The following FAT4 variants were observed in gnomAD, a reference collection of about 807,000 sequenced individuals.
FAT4 encodes the protein protocadherin Fat 4.
A neutral mutation model predicts 303.9 loss-of-function variants in FAT4; 84 were observed. That is an observed-to-expected ratio of 0.28 (90% CI 0.23 to 0.33). The LOEUF is 0.33. Ranked by LOEUF, FAT4 falls within the 10% of genes least tolerant of loss-of-function variation. FAT4 has a pLI of 1.00. For missense variants in FAT4, 6,005 were observed against 6,146.8 expected (o/e 0.98, Z 0.77); for synonymous variants, 2,307 against 2,298.8 (o/e 1.00, Z -0.10).
chr4:125,482,034 T>C (rs1385380844), intron 16 of FAT4, among the ~76,000 whole-genome samples: 2 of 152,348 alleles, frequency 1.3e-5, no homozygotes, highest in African/African-American at 4.8e-5. Context: ...TAAGAATTTA[T>C]ATCACTTCTT....
intron 2 of FAT4, among the ~76,000 whole-genome samples, chr4:125,332,407 T>C (rs1731418976): frequency 6.6e-6 from 1 of 152,186 alleles, no homozygotes; most frequent in African/African-American, 2.4e-5. Flanking sequence ...TTAGTAATAG[T>C]TATAACCCCT....
chr4:125,367,248 G>A (rs1382612385), intron 2 of FAT4, among the ~76,000 whole-genome samples: 2 of 152,062 alleles, frequency 1.3e-5, no homozygotes. Context: ...TTTACTGGAA[G>A]CAATTATTGG....
intron 2 of FAT4, among the ~76,000 whole-genome samples, chr4:125,337,695 G>A (rs1261718898): frequency 6.6e-6 from 1 of 152,046 alleles, no homozygotes; most frequent in Non-Finnish European, 1.5e-5. Flanking sequence ...GTTGCTTTAA[G>A]GATTACTGTT....
At chr4:125,488,865 G>A (rs1227618222) in intron 17 of FAT4, among the ~76,000 whole-genome samples, 1 of 152,112 alleles carries the variant, frequency 6.6e-6, no homozygotes, top group Non-Finnish European at 1.5e-5. Context: ...AGAAAGCCTG[G>A]GACGTCATCT....
At chr4:125,457,758 A>G (rs1482599081) in intron 10 of FAT4, among the ~76,000 whole-genome samples, 1 of 152,086 alleles carries the variant, frequency 6.6e-6, no homozygotes, top group Non-Finnish European at 1.5e-5. Context: ...TAATGACACC[A>G]AAAATTAACA....
At chr4:125,353,664 G>A (rs1292412509) in intron 2 of FAT4, among the ~76,000 whole-genome samples, 1 of 151,572 alleles carries the variant, frequency 6.6e-6, no homozygotes, top group Non-Finnish European at 1.5e-5. Flanking sequence ...TTTATCTTAA[G>A]TAGAAACTAT....
intron 2 of FAT4, among the ~76,000 whole-genome samples, chr4:125,371,779 T>C (rs1733123253): frequency 6.6e-6 from 1 of 151,826 alleles, no homozygotes; most frequent in Non-Finnish European, 1.5e-5. Context: ...TTTTTGTGAA[T>C]AAAACTGAAC....
rs150939528 is a variant in FAT4, at chr4:125,349,675, A to G, written c.5175+28089A>G. On this transcript the variant is annotated intron_variant, in intron 2 of 17. Coordinates refer to ENST00000394329, the MANE Select transcript of FAT4 (RefSeq NM_001291303.3). Reference sequence around the variant, plus strand: ...ATATATGCCCACTTTTAAATATACCAATAGTATATTTGGACTATAATAATG... The same window carrying G: ...ATATATGCCCACTTTTAAATATACCGATAGTATATTTGGACTATAATAATG... 5.5e-4 allele frequency among the ~76,000 whole-genome samples: 84 copies of G among 151,902 alleles called. No homozygotes were observed. In the East Asian group the frequency reaches 0.015, roughly 27 times the overall value.
At chr4:125,469,697 C>G (rs986945421) in intron 12 of FAT4, among the ~76,000 whole-genome samples, 73 of 152,278 alleles carry the variant, frequency 4.8e-4, no homozygotes, top group African/African-American at 1.7e-3. Context: ...CATCTTCGGG[C>G]TTCACTTCAA....
chr4:125,419,135 C>T (rs1049087104), intron 7 of FAT4, among the ~76,000 whole-genome samples: 1 of 152,136 alleles, frequency 6.6e-6, no homozygotes, highest in East Asian at 1.9e-4. Flanking sequence ...ATTGGAAATA[C>T]TAATATCTAT....
In FAT4 at chr4:125,337,992, A is replaced by G. The variant is rs80252808; in HGVS notation, c.5175+16406A>G. ...GCACCCATGATACTCACCCAAAATA[A>G]GTATCCATTCACTTCTCTCTCATTT... On this transcript the variant is annotated intron_variant, in intron 2 of 17. Coordinates refer to ENST00000394329, the MANE Select transcript of FAT4 (RefSeq NM_001291303.3). 2.1e-3 allele frequency among the ~76,000 whole-genome samples: 326 copies of G among 152,270 alleles called. 1 individual carries two copies. The highest frequency in any genetic ancestry group is 6.8e-3 in the African/African-American group (284 of 41,570).
Position 125,320,440 on chromosome 4 carries a change from T to G in FAT4, c.4029T>G (p.Asp1343Glu). Residue 1343 changes from aspartate to glutamate, a missense_variant, in exon 2 of 18, where the codon GAT (aspartate) becomes GAG (glutamate). Transcript: ENST00000394329. Reference protein sequence around the residue: ...LVSSVTATDSDSGDNADLYYS... With the variant: ...LVSSVTATDSESGDNADLYYS... The stretch of plus-strand genomic sequence containing the variant: ...CCTCTGTTACTGCAACTGATTCCGA[T>G]TCAGGTGACAATGCTGATTTATATT... The G allele has an allele frequency of 6.2e-7, 1 of 1,614,006 alleles. No individual in the cohort carries two copies. The highest frequency in any genetic ancestry group is 8.5e-7 in the Non-Finnish European group (1 of 1,179,836).
Position 125,489,934 on chromosome 4 carries a change from A to G in FAT4, c.13118A>G (p.Tyr4373Cys). The G allele has an allele frequency of 1.3e-6, 2 of 1,496,956 alleles. No homozygotes were observed. Among genetic ancestry groups the G allele is most frequent in the Non-Finnish European group, 8.9e-7 (1 of 1,117,588 alleles). The allele number at this position is 1,496,956 out of a possible 1,614,324, so 92.7% of individuals were successfully genotyped here. ...GFDGCIASMW[Y>C]GGESLPFSGK... ...GATGGCTGCATTGCTTCTATGTGGTATGGTGGAGAAAGTCTTCCTTTCAGC... is the reference window on the plus strand; with the variant it reads ...GATGGCTGCATTGCTTCTATGTGGTGTGGTGGAGAAAGTCTTCCTTTCAGC... The change falls in exon 18 of 18, where the codon TAT (tyrosine) becomes TGT (cysteine). Residue 4373 changes from tyrosine (Y) to cysteine (C), a missense_variant. Physicochemically the swap from Tyr to Cys is radical, Grantham distance 194. Coordinates refer to ENST00000394329, the MANE Select transcript of FAT4 (RefSeq NM_001291303.3).
At chr4:125,335,913 A>G (rs1210024678) in intron 2 of FAT4, among the ~76,000 whole-genome samples, 2 of 152,078 alleles carry the variant, frequency 1.3e-5, no homozygotes, top group Non-Finnish European at 2.9e-5. Flanking sequence ...CAGTACACAT[A>G]GCACTGCATA....
In FAT4 at chr4:125,488,390, A is replaced by G. The variant is rs1395370236; in HGVS notation, c.13084+784A>G. Among the ~76,000 whole-genome samples, 7 of 152,348 alleles carry G rather than the reference A, an allele frequency of 4.6e-5. No homozygotes were observed. In the East Asian group the frequency reaches 1.4e-3, roughly 29 times the overall value. On this transcript the variant is annotated intron_variant, in intron 17 of 17. Transcript: ENST00000394329. ...TAGATATGCAGTAATATTACAGATC[A>G]TTCAGGCTACAGCATGGAGAATGAA... is the stretch of plus-strand genomic sequence containing the variant.
chr4:125,329,537 G>C (rs2125955840), intron 2 of FAT4, among the ~76,000 whole-genome samples: 1 of 152,230 alleles, frequency 6.6e-6, no homozygotes, highest in African/African-American at 2.4e-5. Context: ...CCTAAAGCCA[G>C]TTCTTGCAGT....
intron 5 of FAT4, among the ~76,000 whole-genome samples, chr4:125,413,414 T>C (rs1734920493): frequency 6.6e-6 from 1 of 151,796 alleles, no homozygotes; most frequent in African/African-American, 2.4e-5. Flanking sequence ...AAATAAACTA[T>C]AAAGATTAAA....
At chr4:125,402,806 T>C (rs1348506774) in intron 3 of FAT4, among the ~76,000 whole-genome samples, 1 of 152,004 alleles carries the variant, frequency 6.6e-6, no homozygotes, top group African/African-American at 2.4e-5. Context: ...AATATTCTCA[T>C]TGAGAGCTCT....
chr4:125,405,603 C>T (rs898857387), intron 3 of FAT4, among the ~76,000 whole-genome samples: 19 of 151,960 alleles, frequency 1.3e-4, no homozygotes, highest in African/African-American at 3.1e-4. Context: ...CTCTGCCTCC[C>T]GAGTTCATGC....
Sources: allele counts gnomAD v4.1 joint callset (sites outside exome capture counted in the v4.1 genomes callset), GRCh38; gene constraint gnomAD v4.1.1; transcripts MANE v1.5; gene names NCBI Gene and HGNC (gene_info 2026-07-23, HGNC 2026-07-21).